DNAJC15: variants seen among roughly 807,000 people sequenced by gnomAD.
The protein encoded by DNAJC15 is DnaJ heat shock protein family (Hsp40) member C15, also known as dnaJ homolog subfamily C member 15.
Under a neutral mutation model 22.4 loss-of-function variants are expected in DNAJC15, and 27 were observed. The observed-to-expected ratio is 1.20, with a 90% CI of 0.89 to 1.66. The LOEUF is 1.66. Ranked by LOEUF, DNAJC15 falls within the 40% of genes most tolerant of loss-of-function variation. The pLI is 0.00. For synonymous variants in DNAJC15, 79 were observed against 63.2 expected (o/e 1.25, Z -1.19); for missense variants, 208 against 187.1 (o/e 1.11, Z -0.65).
At chr13:43,090,780 T>C (rs2040711030) in intron 5 of DNAJC15, among the ~76,000 whole-genome samples, 1 of 151,538 alleles carries the variant, frequency 6.6e-6, no homozygotes, top group African/African-American at 2.4e-5. Context: ...CGATCTTGGC[T>C]CACTGCAAAC....
At chr13:43,026,885 A>G (rs2040383059) in intron 1 of DNAJC15, among the ~76,000 whole-genome samples, 1 of 152,188 alleles carries the variant, frequency 6.6e-6, no homozygotes. Context: ...AAGAAAAATC[A>G]AAAAGAAATA....
intron 5 of DNAJC15, among the ~76,000 whole-genome samples, chr13:43,101,648 C>A (rs1471524190): frequency 2.6e-5 from 4 of 152,138 alleles, no homozygotes; most frequent in African/African-American, 9.7e-5. Context: ...TTATATCATT[C>A]TTATGCCCTT....
chr13:43,098,557 T>G (rs2040752203), intron 5 of DNAJC15, among the ~76,000 whole-genome samples: 1 of 152,210 alleles, frequency 6.6e-6, no homozygotes, highest in South Asian at 2.1e-4. Flanking sequence ...CATTATTTAA[T>G]GCTATATTGA....
intron 1 of DNAJC15, among the ~76,000 whole-genome samples, chr13:43,025,081 G>A (rs762381115): frequency 1.1e-4 from 17 of 151,592 alleles, no homozygotes; most frequent in Non-Finnish European, 4.4e-5. Context: ...AAAAAATGAG[G>A]CAGTAGAGAT....
Position 43,067,606 on chromosome 13 carries a change from A to AAAT in DNAJC15, c.161-1324_161-1323insAAT, listed in dbSNP as rs2040590059. On this transcript the variant is annotated intron_variant, in intron 2 of 5. Coordinates refer to ENST00000379221, the MANE Select transcript of DNAJC15 (RefSeq NM_013238.3). ...ACCACACCATTCCCAAACTCGTATT[A>AAAT]CTGACTAGAATATTATATTAAATAA... is the stretch of plus-strand genomic sequence containing the variant. Among the ~76,000 whole-genome samples the AAAT allele has an allele frequency of 2.6e-5, 4 of 152,178 alleles. No individual in the cohort carries two copies. In the South Asian group the frequency reaches 8.3e-4, roughly 32 times the overall value.
rs373088617 is a variant in DNAJC15 at position 43,080,518 on chromosome 13, A to G, written c.311+1830A>G. 9.6e-4 allele frequency among the ~76,000 whole-genome samples: 146 copies of G among 152,376 alleles called. 3 individuals are homozygous for G. In the South Asian group the frequency reaches 0.028, roughly 29 times the overall value. The stretch of plus-strand genomic sequence containing the variant: ...TGTTGTAAATATTGCCACAGTGAAC[A>G]TATGTCTGCAACACATGGTACTTAC... On this transcript the variant is annotated intron_variant, in intron 4 of 5. Transcript: ENST00000379221.
At chr13:43,074,660 C>G (rs1198943548) in intron 3 of DNAJC15, among the ~76,000 whole-genome samples, 1 of 152,110 alleles carries the variant, frequency 6.6e-6, no homozygotes, top group Non-Finnish European at 1.5e-5. Context: ...CAATTTTGTG[C>G]TTTCTCATGA....
At chr13:43,094,516 G>A (rs1477866286) in intron 5 of DNAJC15, among the ~76,000 whole-genome samples, 2 of 152,268 alleles carry the variant, frequency 1.3e-5, no homozygotes, top group East Asian at 3.9e-4. Flanking sequence ...TGTTCAGTGG[G>A]GTCCCTATGC....
At chr13:43,036,996 G>A (rs144249781) in intron 1 of DNAJC15, among the ~76,000 whole-genome samples, 5 of 152,256 alleles carry the variant, frequency 3.3e-5, no homozygotes, top group Admixed American at 6.5e-5. Flanking sequence ...GCGGTTGGGC[G>A]GCTGCAGCTG....
intron 1 of DNAJC15, among the ~76,000 whole-genome samples, chr13:43,061,997 A>G (rs60244702): frequency 0.015 from 2,219 of 152,342 alleles, 57 homozygotes; most frequent in African/African-American, 0.048. Flanking sequence ...CTCACATGCA[A>G]TACAGTGACT....
At chr13:43,092,896 AG>A (rs957331130) in intron 5 of DNAJC15, among the ~76,000 whole-genome samples, 17 of 152,248 alleles carry the variant, frequency 1.1e-4, no homozygotes, top group African/African-American at 3.9e-4. Context: ...CATAGGTGAC[AG>A]AGTGAGACCC....
intron 4 of DNAJC15, among the ~76,000 whole-genome samples, chr13:43,081,448 T>A (rs977345600): frequency 5.9e-5 from 9 of 151,908 alleles, no homozygotes; most frequent in Non-Finnish European, 1.3e-4. Flanking sequence ...ATTTATGATT[T>A]TTTTTTTTGA....
At position 43,086,131 on chromosome 13, in the gene DNAJC15, CTT is replaced by C. The variant is rs539356057; in HGVS notation, c.382+295_382+296del. On this transcript the variant is annotated intron_variant, in intron 5 of 5. Coordinates refer to ENST00000379221, the MANE Select transcript of DNAJC15 (RefSeq NM_013238.3). Reference sequence around the variant, plus strand: ...AAATCGAAAACACGAGTTATGGACTCTTTGGTTGTATAAACTGATTTGGGCAT... The same window carrying C: ...AAATCGAAAACACGAGTTATGGACTCTGGTTGTATAAACTGATTTGGGCAT... 4.9e-4 allele frequency among the ~76,000 whole-genome samples: 74 copies of C among 152,268 alleles called. 1 individual carries two copies. The highest frequency in any genetic ancestry group is 5.7e-4 in the Non-Finnish European group (39 of 68,030).
Position 43,106,231 on chromosome 13 carries a change from T to TA in DNAJC15, c.383-947_383-946insA, listed in dbSNP as rs201468606. Among the ~76,000 whole-genome samples the TA allele has an allele frequency of 8.6e-3, 1,316 of 152,284 alleles. 42 individuals are homozygous for TA. The highest frequency in any genetic ancestry group is 0.054 in the East Asian group (281 of 5,184). The stretch of plus-strand genomic sequence containing the variant: ...TTCAGCAGCTATAGATGGTTTGCAC[T>TA]TAAGGGGAGAATACAAAATAAAAAA... On this transcript the variant is annotated intron_variant, in intron 5 of 5. Transcript: ENST00000379221.
intron 5 of DNAJC15, among the ~76,000 whole-genome samples, chr13:43,093,333 G>T (rs991285166): frequency 7.2e-5 from 11 of 152,150 alleles, no homozygotes; most frequent in Non-Finnish European, 1.0e-4. Flanking sequence ...GACCGAAAAA[G>T]ACTTTATATG....
Position 43,111,904 on chromosome 13 carries a change from CAA to C in DNAJC15, c.*4659_*4660del, listed in dbSNP as rs1187254108. Reference sequence around the variant, plus strand: ...CAAAAACATTCCATGAATTATGAGTCAAAATTTTATTTATGGTGGCATTACAC... The same window carrying C: ...CAAAAACATTCCATGAATTATGAGTCAATTTTATTTATGGTGGCATTACAC... On this transcript the variant is annotated 3_prime_UTR_variant, in exon 6 of 6. Transcript: ENST00000379221. 1 of 152,124 alleles carries C rather than the reference CAA, an allele frequency of 6.6e-6. No homozygotes were observed. The highest frequency in any genetic ancestry group is 2.4e-5 in the African/African-American group (1 of 41,428). 9.4% of individuals were successfully genotyped at this position (152,124 alleles called of 1,614,324 possible).
At chr13:43,041,706 A>G (rs117967839) in intron 1 of DNAJC15, among the ~76,000 whole-genome samples, 1 of 152,332 alleles carries the variant, frequency 6.6e-6, no homozygotes, top group East Asian at 1.9e-4. Flanking sequence ...TACTTTTCTA[A>G]GAAGCAATCT....
intron 4 of DNAJC15, among the ~76,000 whole-genome samples, chr13:43,082,764 A>G (rs2040667863): frequency 6.6e-6 from 1 of 152,162 alleles, no homozygotes; most frequent in Non-Finnish European, 1.5e-5. Context: ...TATGTGCTCA[A>G]CTAAAACTTA....
rs902284464 is a variant in DNAJC15 at position 43,111,204 on chromosome 13, C to G, written c.*3956C>G. ...AATACATTGTTTAGTCTTCAAAGCA[C>G]TTTACTTTTTATGAAATATATTTTA... On this transcript the variant is annotated 3_prime_UTR_variant, in exon 6 of 6. Transcript: ENST00000379221. The G allele has an allele frequency of 6.6e-6, 1 of 152,048 alleles. No homozygotes were observed. Among genetic ancestry groups the G allele is most frequent in the Non-Finnish European group, 1.5e-5 (1 of 68,002 alleles). The allele number at this position is 152,048 out of a possible 1,614,324, so 9.4% of individuals were successfully genotyped here. A position where few individuals can be genotyped will look rare whatever the true frequency, so the allele number is the denominator to read the frequency against.
Sources: gnomAD v4.1 joint callset for allele counts (sites outside exome capture counted in the v4.1 genomes callset) on GRCh38, gnomAD v4.1.1 for gene constraint, MANE v1.5 for transcripts, NCBI Gene and HGNC (gene_info 2026-07-23, HGNC 2026-07-21) for gene names.